Variants in KIF1B observed in about 807,000 individuals in gnomAD.
The protein encoded by KIF1B is kinesin family member 1B.
Under a neutral mutation model 241.9 loss-of-function variants are expected in KIF1B, and 76 were observed. The ratio of observed to expected loss-of-function variants is 0.31; its 90% CI spans 0.26 to 0.38. The LOEUF is 0.38. Ranked by LOEUF, KIF1B falls within the 10% of genes least tolerant of loss-of-function variation. KIF1B has a pLI of 1.00. For synonymous variants in KIF1B, 750 were observed against 796.7 expected (o/e 0.94, Z 0.99); for missense variants, 1,622 against 2,271.4 (o/e 0.71, Z 5.81).
chr1:10,223,251 C>T (rs1400354807), intron 1 of KIF1B, among the ~76,000 whole-genome samples: 2 of 152,096 alleles, frequency 1.3e-5, no homozygotes, highest in Admixed American at 6.6e-5. Flanking sequence ...AAGACTCTGT[C>T]TCAAAAACAA....
chr1:10,277,209 G>A (rs1649163134), intron 12 of KIF1B, among the ~76,000 whole-genome samples: 1 of 151,930 alleles, frequency 6.6e-6, no homozygotes, highest in African/African-American at 2.4e-5. Flanking sequence ...TACTTGGAAA[G>A]CTGAGGCAGG....
intron 38 of KIF1B, among the ~76,000 whole-genome samples, chr1:10,354,453 T>C (rs1652906607): frequency 6.6e-6 from 1 of 152,202 alleles, no homozygotes; most frequent in Admixed American, 6.5e-5. Context: ...TTTTTTATCA[T>C]TTATTAACAT....
At chr1:10,222,718 T>G (rs1349730437) in intron 1 of KIF1B, among the ~76,000 whole-genome samples, 1 of 152,146 alleles carries the variant, frequency 6.6e-6, no homozygotes, top group African/African-American at 2.4e-5. Flanking sequence ...CCTAAATGTT[T>G]TATTGTCTCT....
At chr1:10,336,511 G>C in intron 28 of KIF1B, 146 bp from the exon 29 acceptor site, 1 of 731,298 alleles carries the variant, frequency 1.4e-6, no homozygotes, top group East Asian at 2.5e-5. Context: ...TACATGAATA[G>C]AGTGCGAAGC....
intron 19 of KIF1B, 116 bp downstream of exon 19, chr1:10,295,882 GA>G: frequency 1.1e-6 from 1 of 888,820 alleles, no homozygotes; most frequent in Non-Finnish European, 1.8e-6. Flanking sequence ...ATCTAATTCT[GA>G]AAAATGGAGA....
At position 10,303,230 on chromosome 1, in the gene KIF1B, C is replaced by G. The variant is rs1016239032; in HGVS notation, c.2115+5984C>G. 1.9e-6 allele frequency: 3 copies of G among 1,614,140 alleles called. No individual in the cohort carries two copies. Among genetic ancestry groups the G allele is most frequent in the Non-Finnish European group, 2.5e-6 (3 of 1,180,010 alleles). ...TGTGAAGAGAGCTGGAAACTGATTA[C>G]TTCTCTGAGAGAAAAGCTACCTCCC... is the stretch of plus-strand genomic sequence containing the variant. On this transcript the variant is annotated intron_variant, in intron 22 of 48. Transcript: ENST00000676179. The surrounding 1 kb of genome is among the most constrained non-coding windows in gnomAD (Gnocchi z 5.2).
In KIF1B at chr1:10,305,350, T is replaced by C. The variant is rs6703079; in HGVS notation, c.2115+8104T>C. 2,399 of 1,050,480 alleles carry C rather than the reference T, an allele frequency of 2.3e-3. 34 individuals are homozygous for C. The African/African-American group carries it at 0.036, about 16-fold the overall frequency. The allele number at this position is 1,050,480 out of a possible 1,614,324, so 65.1% of individuals were successfully genotyped here. On this transcript the variant is annotated intron_variant, in intron 22 of 48. Transcript: ENST00000676179. Reference sequence around the variant, plus strand: ...ATTTGTCATATCAGAATCTATAAATTGGCACTGTGTCTGGGATTCTGTTTG... The same window carrying C: ...ATTTGTCATATCAGAATCTATAAATCGGCACTGTGTCTGGGATTCTGTTTG...
intron 22 of KIF1B, among the ~76,000 whole-genome samples, chr1:10,313,612 G>T (rs1020736598): frequency 6.8e-6 from 1 of 146,972 alleles, no homozygotes; most frequent in South Asian, 2.1e-4. Context: ...GTGCAGTGGC[G>T]CAATCTCGGC....
At chr1:10,217,183 A>G (rs901168652) in intron 1 of KIF1B, among the ~76,000 whole-genome samples, 7 of 151,280 alleles carry the variant, frequency 4.6e-5, no homozygotes, top group Non-Finnish European at 8.8e-5. Flanking sequence ...CGTGTTGGCC[A>G]GGCTGGTCTC....
intron 22 of KIF1B, chr1:10,306,757 T>TA (rs745772393): frequency 0.097 from 54,611 of 562,910 alleles, 736 homozygotes; most frequent in African/African-American, 0.15. Flanking sequence ...AACCTGTCTT[T>TA]AAAAAAAAAA....
At position 10,372,677 on chromosome 1, in the gene KIF1B, T is replaced by TTG. The variant is rs1638776352; in HGVS notation, c.4946+1415_4946+1416insTG. Among the ~76,000 whole-genome samples the TTG allele has an allele frequency of 5.7e-5, 7 of 122,844 alleles. 2 individuals carry two copies. The highest frequency in any genetic ancestry group is 2.1e-4 in the African/African-American group (7 of 33,134). The allele number at this position is 122,844 out of a possible 152,430, so 80.6% of individuals were successfully genotyped here. A position where few individuals can be genotyped will look rare whatever the true frequency, so the allele number is the denominator to read the frequency against. ...TGGGTGACAGAGCTGTCACCCAAGC[T>TTG]GGCGCGCAGCGGCGCAATCTCGGCT... is the stretch of plus-strand genomic sequence containing the variant. On this transcript the variant is annotated intron_variant, in intron 45 of 48. Transcript: ENST00000676179.
intron 34 of KIF1B, among the ~76,000 whole-genome samples, chr1:10,343,842 C>G (rs927307756): frequency 7.2e-5 from 11 of 152,254 alleles, no homozygotes; most frequent in African/African-American, 2.6e-4. Flanking sequence ...TACAAACTCT[C>G]TGGTCTTCTA....
chr1:10,300,494 T>C (rs1008317255), intron 22 of KIF1B, among the ~76,000 whole-genome samples: 6 of 151,964 alleles, frequency 3.9e-5, no homozygotes, highest in Non-Finnish European at 7.4e-5. Flanking sequence ...TATAGACTTA[T>C]TTATATTTTA....
intron 44 of KIF1B, 103 bp downstream of exon 44, chr1:10,368,641 G>C: frequency 2.2e-6 from 2 of 924,150 alleles, no homozygotes; most frequent in South Asian, 2.6e-5. Context: ...TAAGCAACTT[G>C]TCATGGGCAT....
rs545458349 is a variant in KIF1B at position 10,220,466 on chromosome 1, C to T, written c.-80+9588C>T. Among the ~76,000 whole-genome samples the T allele has an allele frequency of 2.0e-5, 3 of 152,030 alleles. No individual in the cohort carries two copies. In the East Asian group the frequency reaches 5.8e-4, roughly 29 times the overall value. ...ATGTACTAAATGTTTTCAACAGCTTCTTTAAGTAAAAGGAAGAAATGTTCT... is the reference window on the plus strand; with the variant it reads ...ATGTACTAAATGTTTTCAACAGCTTTTTTAAGTAAAAGGAAGAAATGTTCT... On this transcript the variant is annotated intron_variant, in intron 1 of 48. Coordinates refer to ENST00000676179, the MANE Select transcript of KIF1B (RefSeq NM_001365951.3).
At chr1:10,348,081 C>T (rs1241929990) in intron 36 of KIF1B, among the ~76,000 whole-genome samples, 3 of 151,794 alleles carry the variant, frequency 2.0e-5, no homozygotes, top group Non-Finnish European at 2.9e-5. Context: ...CATTCAATTA[C>T]TCTAATTTGT....
Position 10,374,248 on chromosome 1 carries a change from A to C in KIF1B, c.4947-68A>C. ...ATTGTGTTCCTCCCAGTGAAACAGT[A>C]CTCAGTATGCCTTGATTGTAACTGA... is the stretch of plus-strand genomic sequence containing the variant. On this transcript the variant is annotated intron_variant, in intron 45 of 48. Transcript: ENST00000676179. This position sits in a 1 kb window ranked among gnomAD's most constrained non-coding sequence, Gnocchi z 4.3. 6.6e-7 allele frequency: 1 copy of C among 1,517,722 alleles called. No individual in the cohort carries two copies. The highest frequency in any genetic ancestry group is 9.2e-7 in the Non-Finnish European group (1 of 1,092,660). 94.0% of individuals were successfully genotyped at this position (1,517,722 alleles called of 1,614,324 possible).
intron 17 of KIF1B, 107 bp from the exon 18 acceptor site, chr1:10,294,979 A>G (rs908772351): frequency 1.2e-4 from 95 of 796,610 alleles, no homozygotes; most frequent in Non-Finnish European, 2.1e-4. Context: ...ATCCCTCTCT[A>G]GGCTCTGTGG....
In KIF1B at chr1:10,304,158, A is replaced by G. The variant is rs778999878; in HGVS notation, c.2115+6912A>G. ...ATGAGGTTATAGAGCTTAGGATTCC[A>G]AAAGACGATGAAGCAAGGAAAGGGA... is the stretch of plus-strand genomic sequence containing the variant. On this transcript the variant is annotated intron_variant, in intron 22 of 48. Coordinates refer to ENST00000676179, the MANE Select transcript of KIF1B (RefSeq NM_001365951.3). 57 of 1,614,102 alleles carry G rather than the reference A, an allele frequency of 3.5e-5. No individual in the cohort carries two copies. The highest frequency in any genetic ancestry group is 3.3e-4 in the Admixed American group (20 of 60,012).
Sources: allele counts gnomAD v4.1 joint callset (sites outside exome capture counted in the v4.1 genomes callset), GRCh38; gene constraint gnomAD v4.1.1; non-coding constraint Gnocchi (gnomAD v3.1); transcripts MANE v1.5; gene names NCBI Gene and HGNC (gene_info 2026-07-23, HGNC 2026-07-21).